SLIT2: variants seen among roughly 807,000 people sequenced by gnomAD.
The protein encoded by SLIT2 is slit homolog 2 protein.
SLIT2 carries 41 observed loss-of-function variants against 185.7 expected under a neutral mutation model. The ratio of observed to expected loss-of-function variants is 0.22; its 90% CI spans 0.17 to 0.29. SLIT2 has a LOEUF of 0.29. SLIT2 is among the 10% of genes least tolerant of loss of function. The pLI, the probability that SLIT2 is intolerant of heterozygous loss-of-function variation, is 1.00. For missense variants in SLIT2, 1,571 were observed against 1,909.0 expected (o/e 0.82, Z 3.30); for synonymous variants, 693 against 680.2 (o/e 1.02, Z -0.29).
Position 20,412,528 on chromosome 4 carries a change from A to G in SLIT2, c.396-55224A>G, listed in dbSNP as rs146959943. ...TGTATGCTATGATAAAATCTTTCAT[A>G]TTTATACTGTAAACTAACAGAGTAG... On this transcript the variant is annotated intron_variant, in intron 4 of 36. Coordinates refer to ENST00000504154, the MANE Select transcript of SLIT2 (RefSeq NM_004787.4). 8.4e-4 allele frequency among the ~76,000 whole-genome samples: 128 copies of G among 152,234 alleles called. 3 individuals carry two copies. The East Asian group carries it at 0.023, about 28-fold the overall frequency.
chr4:20,619,027 C>T lies in SLIT2; in HGVS notation c.*18C>T. 6.2e-7 allele frequency: 1 copy of T among 1,602,726 alleles called. No individual in the cohort carries two copies. The highest frequency in any genetic ancestry group is 8.5e-7 in the Non-Finnish European group (1 of 1,170,490). The stretch of plus-strand genomic sequence containing the variant: ...TGTCCTAAACACACTCCCGGCAGCT[C>T]TGTCTTTGGAAAAGGTTGTATACTT... On this transcript the variant is annotated 3_prime_UTR_variant, in exon 37 of 37. Coordinates refer to ENST00000504154, the MANE Select transcript of SLIT2 (RefSeq NM_004787.4).
In SLIT2 at chr4:20,480,716, G is replaced by A. The variant is rs141534906; in HGVS notation, c.468G>A (p.Leu156=). The A allele has an allele frequency of 1.0e-4, 169 of 1,611,538 alleles. No individual in the cohort carries two copies. The highest frequency in any genetic ancestry group is 1.4e-4 in the Non-Finnish European group (160 of 1,177,954). The part of the protein sequence containing the change: ...AFRGAVDIKN[L]QLDYNQISCI... ...TATATTCTTCTAATCTTTTTAACAG[G>A]CAACTGGATTACAACCAGATCAGCT... Residue 156 remains leucine (L), a splice_region_variant and synonymous_variant, in exon 6 of 37, where the codon TTG becomes TTA. Transcript: ENST00000504154.
intron 4 of SLIT2, among the ~76,000 whole-genome samples, chr4:20,377,406 C>G (rs1383244118): frequency 6.6e-6 from 1 of 152,042 alleles, no homozygotes; most frequent in East Asian, 1.9e-4. Flanking sequence ...GGAAATGCTT[C>G]TAAGTATATA....
intron 4 of SLIT2, among the ~76,000 whole-genome samples, 173 bp downstream of exon 4, chr4:20,269,054 G>A (rs945396588): frequency 6.6e-5 from 10 of 151,860 alleles, no homozygotes; most frequent in Admixed American, 5.9e-4. Context: ...AGTGGTTCCA[G>A]TTGTTTTATT....
At chr4:20,434,894 A>G (rs1349825316) in intron 4 of SLIT2, among the ~76,000 whole-genome samples, 1 of 152,240 alleles carries the variant, frequency 6.6e-6, no homozygotes, top group East Asian at 1.9e-4. Context: ...CCAAAAATTG[A>G]GAACATATGG....
intron 32 of SLIT2, 80 bp from the exon 33 acceptor site, chr4:20,598,185 C>T: frequency 7.3e-7 from 1 of 1,370,036 alleles, no homozygotes; most frequent in South Asian, 1.4e-5. Context: ...AACCTGTTCA[C>T]CTCACTTAGC....
intron 29 of SLIT2, among the ~76,000 whole-genome samples, chr4:20,571,912 G>C (rs1283740751): frequency 2.0e-5 from 3 of 152,188 alleles, no homozygotes; most frequent in Non-Finnish European, 4.4e-5. Flanking sequence ...AGTCAGAACG[G>C]ACATTATGTC....
chr4:20,545,639 C>G (rs1423939450), intron 21 of SLIT2, among the ~76,000 whole-genome samples: 1 of 152,002 alleles, frequency 6.6e-6, no homozygotes, highest in African/African-American at 2.4e-5. Flanking sequence ...TGTATTGACA[C>G]ATATTAAGGC....
Position 20,484,060 on chromosome 4 carries a change from A to G in SLIT2, c.540-2140A>G, listed in dbSNP as rs16869663. On this transcript the variant is annotated intron_variant, in intron 6 of 36. Transcript: ENST00000504154. The surrounding 1 kb of genome is among the most constrained non-coding windows in gnomAD (Gnocchi z 4.3). ...ATTATGTGAACTAACATTTTGAGAA[A>G]AGACTTCAAATTGATAACTGAAGTT... 0.067 allele frequency among the ~76,000 whole-genome samples: 10,142 copies of G among 152,140 alleles called. 486 individuals carry two copies. The highest frequency in any genetic ancestry group is 0.19 in the East Asian group (974 of 5,178).
At chr4:20,529,175 G>C in intron 16 of SLIT2, 76 bp downstream of exon 16, 1 of 1,138,338 alleles carries the variant, frequency 8.8e-7, no homozygotes, top group Non-Finnish European at 1.2e-6. Flanking sequence ...TGTTTGTCTT[G>C]CCATTTTTAT....
intron 4 of SLIT2, among the ~76,000 whole-genome samples, chr4:20,419,628 AT>A (rs1727997717): frequency 1.3e-5 from 2 of 150,872 alleles, no homozygotes; most frequent in South Asian, 4.2e-4. Context: ...GGAAGATGGC[AT>A]ATACCTGGCT....
At chr4:20,342,540 AAAGT>A (rs1469838203) in intron 4 of SLIT2, among the ~76,000 whole-genome samples, 1 of 152,086 alleles carries the variant, frequency 6.6e-6, no homozygotes, top group Non-Finnish European at 1.5e-5. Context: ...ATATCATAAT[AAAGT>A]ATTACCTAGG....
intron 11 of SLIT2, among the ~76,000 whole-genome samples, chr4:20,511,587 A>ATTTTTTTTTTTTTTTTAT (rs1553915357): frequency 4.9e-5 from 4 of 82,216 alleles, no homozygotes; most frequent in African/African-American, 2.0e-4. Flanking sequence ...CATCCAGCTA[A>ATTTTTTTTTTTTTTTTAT]TTTTTTTTTT....
chr4:20,455,570 G>C (rs960080104), intron 4 of SLIT2, among the ~76,000 whole-genome samples: 3 of 152,030 alleles, frequency 2.0e-5, no homozygotes, highest in African/African-American at 7.2e-5. Context: ...AAACAAAAAT[G>C]TGTTATATTT....
intron 8 of SLIT2, among the ~76,000 whole-genome samples, chr4:20,490,376 C>T (rs889099550): frequency 6.7e-6 from 1 of 149,880 alleles, no homozygotes; most frequent in Non-Finnish European, 1.5e-5. Context: ...CATATATACA[C>T]ACACACGTGC....
rs550143276 is a variant in SLIT2 at position 20,332,649 on chromosome 4, G to A, written c.395+63768G>A. On this transcript the variant is annotated intron_variant, in intron 4 of 36. Transcript: ENST00000504154. Reference sequence around the variant, plus strand: ...ATGTTGCGCCACTGCATTCCAGCCTGGGCAACAAAGTGAGACTCCTTCTCA... The same window carrying A: ...ATGTTGCGCCACTGCATTCCAGCCTAGGCAACAAAGTGAGACTCCTTCTCA... Among the ~76,000 whole-genome samples, 76 of 151,878 alleles carry A rather than the reference G, an allele frequency of 5.0e-4. No individual in the cohort carries two copies. In the South Asian group the frequency reaches 0.015, roughly 29 times the overall value.
intron 4 of SLIT2, among the ~76,000 whole-genome samples, chr4:20,302,729 G>T (rs904077585): frequency 6.6e-6 from 1 of 152,182 alleles, no homozygotes; most frequent in African/African-American, 2.4e-5. Flanking sequence ...TCGATTGGAG[G>T]ATGCATTGGA....
Position 20,568,913 on chromosome 4 carries a change from T to C in SLIT2, c.2997T>C (p.Val999=), listed in dbSNP as rs762958279. The C allele has an allele frequency of 2.5e-6, 4 of 1,612,380 alleles. No individual in the cohort carries two copies. Among genetic ancestry groups the C allele is most frequent in the Non-Finnish European group, 3.4e-6 (4 of 1,178,656 alleles). Reference sequence around the variant, plus strand: ...AAGGAGAAAATTGTGAAGTCAACGTTGATGATTGTGAAGATAATGACTGTG... The same window carrying C: ...AAGGAGAAAATTGTGAAGTCAACGTCGATGATTGTGAAGATAATGACTGTG... ...GFEGENCEVN[V]DDCEDNDCEN... is the part of the protein sequence containing the mutation. Residue 999 remains valine (V), a synonymous_variant, in exon 29 of 37, where the codon GTT becomes GTC. Transcript: ENST00000504154.
At chr4:20,424,352 G>GA (rs1189984470) in intron 4 of SLIT2, among the ~76,000 whole-genome samples, 1 of 151,914 alleles carries the variant, frequency 6.6e-6, no homozygotes, top group Non-Finnish European at 1.5e-5. Context: ...TTCTAGTGTA[G>GA]AAAAAATGTT....
Sources: gnomAD v4.1 joint callset for allele counts (sites outside exome capture counted in the v4.1 genomes callset) on GRCh38, gnomAD v4.1.1 for gene constraint, Gnocchi (gnomAD v3.1) non-coding constraint, MANE v1.5 for transcripts, NCBI Gene and HGNC (gene_info 2026-07-23, HGNC 2026-07-21) for gene names.